BMPR1B: variants seen among roughly 807,000 people sequenced by gnomAD.
The protein encoded by BMPR1B is bone morphogenetic protein receptor type-1B.
BMPR1B carries 12 observed loss-of-function variants against 59.1 expected under a neutral mutation model. That is an observed-to-expected ratio of 0.20 (90% CI 0.13 to 0.33). The LOEUF (loss-of-function observed/expected upper bound fraction) is 0.33. BMPR1B is among the 10% of genes least tolerant of loss of function. The pLI, the probability that BMPR1B is intolerant of heterozygous loss-of-function variation, is 1.00. For synonymous variants in BMPR1B, 237 were observed against 207.3 expected (o/e 1.14, Z -1.23); for missense variants, 550 against 610.9 (o/e 0.90, Z 1.05).
rs767925715 is a variant in BMPR1B, at chr4:95,125,117, T to C, written c.581T>C (p.Leu194Pro). The change falls in exon 8 of 13, where the codon CTG becomes CCG. Residue 194 changes from leucine to proline, a missense_variant. Physicochemically the swap from Leu to Pro is moderately conservative, Grantham distance 98. Coordinates refer to ENST00000515059, the MANE Select transcript of BMPR1B (RefSeq NM_001203.3). ...QSSGSGSGLP[L>P]LVQRTIAKQI... ...TCAGGAAGTGGATCAGGCCTCCCTC[T>C]GCTGGTATGAGAAGAACACATCTTG... is the stretch of plus-strand genomic sequence containing the variant. 23 of 1,613,622 alleles carry C rather than the reference T, an allele frequency of 1.4e-5. 1 individual carries two copies. The highest frequency in any genetic ancestry group is 1.6e-4 in the Middle Eastern group (1 of 6,080).
chr4:94,975,530 A>ATT (rs530473274), intron 2 of BMPR1B, among the ~76,000 whole-genome samples: 2 of 144,734 alleles, frequency 1.4e-5, no homozygotes, highest in African/African-American at 5.0e-5. Flanking sequence ...GCCTGGCTAA[A>ATT]TTTTTTTTTT....
chr4:94,947,394 G>T (rs1729758597), intron 2 of BMPR1B, among the ~76,000 whole-genome samples: 1 of 152,250 alleles, frequency 6.6e-6, no homozygotes, highest in Non-Finnish European at 1.5e-5. Flanking sequence ...AGACTGGATA[G>T]TGTGAGTTTG....
intron 2 of BMPR1B, among the ~76,000 whole-genome samples, chr4:94,907,455 G>C (rs1421711421): frequency 6.6e-6 from 1 of 152,040 alleles, no homozygotes; most frequent in African/African-American, 2.4e-5. Context: ...TTTCAGTTCA[G>C]CACTCAGGCA....
intron 1 of BMPR1B, among the ~76,000 whole-genome samples, chr4:94,870,612 G>C (rs770289225): frequency 2.0e-5 from 3 of 152,130 alleles, no homozygotes; most frequent in Non-Finnish European, 4.4e-5. Flanking sequence ...ATGATTTAGT[G>C]TTCTACTGTT....
At chr4:95,030,229 C>T (rs1724730117) in intron 3 of BMPR1B, among the ~76,000 whole-genome samples, 2 of 152,114 alleles carry the variant, frequency 1.3e-5, no homozygotes, top group South Asian at 4.1e-4. Flanking sequence ...AGGTTTTCTT[C>T]TGTGGTTTTT....
intron 1 of BMPR1B, among the ~76,000 whole-genome samples, chr4:94,760,166 T>A (rs1047422963): frequency 6.6e-6 from 1 of 152,192 alleles, no homozygotes; most frequent in African/African-American, 2.4e-5. Context: ...TTGATTTATG[T>A]CATGTTAGTG....
At chr4:94,961,376 C>T (rs1243726348) in intron 2 of BMPR1B, among the ~76,000 whole-genome samples, 4 of 152,170 alleles carry the variant, frequency 2.6e-5, no homozygotes, top group East Asian at 3.9e-4. Context: ...CGGCAAAACC[C>T]GATTCTTTAT....
chr4:94,903,345 C>A (rs529288613), intron 2 of BMPR1B, among the ~76,000 whole-genome samples: 2 of 151,982 alleles, frequency 1.3e-5, no homozygotes, highest in African/African-American at 2.4e-5. Context: ...ACTTATTATA[C>A]TCCTGTCTCT....
intron 4 of BMPR1B, among the ~76,000 whole-genome samples, chr4:95,112,523 A>G (rs1258004106): frequency 6.6e-6 from 1 of 152,148 alleles, no homozygotes; most frequent in Admixed American, 6.6e-5. Flanking sequence ...TCCTTGCTGG[A>G]GAGCAATGTC....
At chr4:95,103,809 G>A (rs1430263055) in intron 3 of BMPR1B, among the ~76,000 whole-genome samples, 1 of 152,058 alleles carries the variant, frequency 6.6e-6, no homozygotes, top group Non-Finnish European at 1.5e-5. Flanking sequence ...TGGGGAAGAT[G>A]TATCTTTTGA....
chr4:94,830,034 ATG>A (rs1724519304), intron 1 of BMPR1B, among the ~76,000 whole-genome samples: 2 of 152,210 alleles, frequency 1.3e-5, no homozygotes, highest in African/African-American at 4.8e-5. Flanking sequence ...GAGACTTATT[ATG>A]TAAGTATATG....
intron 10 of BMPR1B, among the ~76,000 whole-genome samples, chr4:95,133,329 C>T (rs573186255): frequency 4.6e-5 from 7 of 152,220 alleles, no homozygotes; most frequent in East Asian, 1.9e-4. Flanking sequence ...CCTGTGGCTT[C>T]GTATTAAAAT....
chr4:95,045,467 C>A (rs1040652597), intron 3 of BMPR1B, among the ~76,000 whole-genome samples: 4 of 152,148 alleles, frequency 2.6e-5, no homozygotes, highest in Non-Finnish European at 5.9e-5. Flanking sequence ...CAGCCTAATT[C>A]CCCTGCTCTC....
intron 2 of BMPR1B, among the ~76,000 whole-genome samples, chr4:94,944,731 T>G (rs985103137): frequency 6.6e-6 from 1 of 152,214 alleles, no homozygotes; most frequent in East Asian, 1.9e-4. Flanking sequence ...TTACCTGCCT[T>G]TAGTGATTTT....
In BMPR1B at chr4:94,840,851, G is replaced by T. The variant is rs1320805753; in HGVS notation, c.-182-34980G>T. Among the ~76,000 whole-genome samples the T allele has an allele frequency of 6.7e-5, 10 of 148,248 alleles. 1 individual carries two copies. The highest frequency in any genetic ancestry group is 6.7e-4 in the Admixed American group (10 of 14,942). ...GAGGAGAGGCGCTCTGCTTTTTGGA[G>T]TTTCCAGTTTTTCTGTTCTGTTTTT... On this transcript the variant is annotated intron_variant, in intron 1 of 12. Coordinates refer to ENST00000515059, the MANE Select transcript of BMPR1B (RefSeq NM_001203.3).
chr4:95,036,838 A>C (rs999797777), intron 3 of BMPR1B, among the ~76,000 whole-genome samples: 1 of 151,896 alleles, frequency 6.6e-6, no homozygotes, highest in Non-Finnish European at 1.5e-5. Flanking sequence ...TCCCACCAAC[A>C]GTGTACGAGG....
At chr4:94,773,555 T>C (rs1043219837) in intron 1 of BMPR1B, among the ~76,000 whole-genome samples, 8 of 152,110 alleles carry the variant, frequency 5.3e-5, no homozygotes, top group Admixed American at 3.3e-4. Flanking sequence ...CAATAAATAC[T>C]GTATTCTTTT....
chr4:94,864,454 G>A (rs1726124102), intron 1 of BMPR1B, among the ~76,000 whole-genome samples: 1 of 152,152 alleles, frequency 6.6e-6, no homozygotes. Context: ...GGAAGGATTG[G>A]GAAGTCATTT....
At chr4:94,809,540 C>A (rs896163922) in intron 1 of BMPR1B, among the ~76,000 whole-genome samples, 1 of 152,188 alleles carries the variant, frequency 6.6e-6, no homozygotes, top group Non-Finnish European at 1.5e-5. Context: ...AGAGTACACA[C>A]AACAAATACT....
Sources: gnomAD v4.1 joint callset for allele counts (sites outside exome capture counted in the v4.1 genomes callset) on GRCh38, gnomAD v4.1.1 for gene constraint, MANE v1.5 for transcripts, NCBI Gene and HGNC (gene_info 2026-07-23, HGNC 2026-07-21) for gene names.